The following DCHS2 variants were observed in gnomAD, a reference collection of about 807,000 sequenced individuals.
DCHS2 encodes the protein protocadherin-23.
A neutral mutation model predicts 182.4 loss-of-function variants in DCHS2; 142 were observed. The ratio of observed to expected loss-of-function variants is 0.78; its 90% CI spans 0.68 to 0.89. The LOEUF (loss-of-function observed/expected upper bound fraction) is 0.89, where lower values mean the gene tolerates loss of function less well. Among genes scored for constraint, DCHS2 ranks in the 40% least tolerant of loss-of-function variants. The pLI, the probability that DCHS2 is intolerant of heterozygous loss-of-function variation, is 0.00. For missense variants in DCHS2, 4,319 were observed against 4,198.6 expected, an observed-to-expected ratio of 1.03 and a Z score of -0.79; for synonymous variants, 1,740 against 1,663.3, an observed-to-expected ratio of 1.05 and a Z score of -1.12.
At chr4:154,307,812 T>A (rs1735508271) in intron 10 of DCHS2, among the ~76,000 whole-genome samples, 1 of 152,094 alleles carries the variant, frequency 6.6e-6, no homozygotes, top group South Asian at 2.1e-4. Context: ...CATTCAGGTC[T>A]CCTACCCGAC....
At chr4:154,374,048 T>C in intron 2 of DCHS2, 3 of 1,088,868 alleles carry the variant, frequency 2.8e-6, no homozygotes, top group Non-Finnish European at 4.0e-6. Flanking sequence ...ACCACCTCTA[T>C]ATCTACAATA....
In DCHS2 at chr4:154,235,917, T is replaced by C. The variant is rs1172777018; in HGVS notation, c.8735A>G (p.Asp2912Gly). ...TCCAAGGGAGTAAAGAATGACTCCA[T>C]CAATACCAGCATCTGCATCTGAGGC... ...VEASDADAGI[D>G]GVILYSLGTS... Residue 2912 changes from aspartate to glycine, a missense_variant, in exon 20 of 20, where the codon GAT becomes GGT. Physicochemically the swap from Asp to Gly is moderately conservative, Grantham distance 94 (BLOSUM62 -1). Coordinates refer to ENST00000357232, the MANE Select transcript of DCHS2 (RefSeq NM_001358235.2). 6.2e-7 allele frequency: 1 copy of C among 1,614,076 alleles called. No individual in the cohort carries two copies. Among genetic ancestry groups the C allele is most frequent in the Non-Finnish European group, 8.5e-7 (1 of 1,179,964 alleles).
chr4:154,434,375 T>A (rs1733688002), intron 1 of DCHS2, among the ~76,000 whole-genome samples: 1 of 152,192 alleles, frequency 6.6e-6, no homozygotes, highest in Admixed American at 6.5e-5. Context: ...TGAGGTGTGA[T>A]TGTGCCACAG....
At chr4:154,431,186 A>G (rs747908237) in intron 1 of DCHS2, among the ~76,000 whole-genome samples, 6 of 152,190 alleles carry the variant, frequency 3.9e-5, no homozygotes, top group Non-Finnish European at 8.8e-5. Context: ...ATTGAAAACT[A>G]GAGTGAACAG....
At chr4:154,261,199 C>T (rs980235195) in intron 14 of DCHS2, among the ~76,000 whole-genome samples, 2 of 152,108 alleles carry the variant, frequency 1.3e-5, no homozygotes, top group East Asian at 3.9e-4. Flanking sequence ...ACTTTGTGAC[C>T]TGGATAAGTT....
At chr4:154,469,975 C>T (rs1311564129) in intron 1 of DCHS2, among the ~76,000 whole-genome samples, 1 of 152,094 alleles carries the variant, frequency 6.6e-6, no homozygotes, top group Non-Finnish European at 1.5e-5. Flanking sequence ...CTGTCTTCTC[C>T]CACAAGAAAA....
intron 10 of DCHS2, among the ~76,000 whole-genome samples, chr4:154,305,617 G>T (rs1284167346): frequency 6.6e-6 from 1 of 152,146 alleles, no homozygotes; most frequent in African/African-American, 2.4e-5. Context: ...AGATTGACCT[G>T]CTGTTTAAAA....
At chr4:154,488,183 A>C (rs78283290) in intron 1 of DCHS2, among the ~76,000 whole-genome samples, 110 of 150,682 alleles carry the variant, frequency 7.3e-4, no homozygotes, top group African/African-American at 2.6e-3. Context: ...GTCTCAAAAA[A>C]ATAAAAAAGA....
At chr4:154,372,505 G>A (rs1053923358) in intron 2 of DCHS2, among the ~76,000 whole-genome samples, 3 of 152,090 alleles carry the variant, frequency 2.0e-5, no homozygotes, top group Non-Finnish European at 4.4e-5. Context: ...TGGTGAGATG[G>A]AGTTGAAATA....
intron 10 of DCHS2, among the ~76,000 whole-genome samples, chr4:154,310,264 T>C (rs185999053): frequency 1.3e-5 from 2 of 152,332 alleles, no homozygotes; most frequent in East Asian, 1.9e-4. Flanking sequence ...TAGGAAGATA[T>C]AACATTGGTT....
intron 14 of DCHS2, chr4:154,269,518 A>G (rs1381175535): frequency 5.9e-6 from 1 of 169,850 alleles, no homozygotes; most frequent in Non-Finnish European, 1.2e-5. Context: ...TCAGTAGCAA[A>G]TTACAAGAAT....
chr4:154,483,743 G>T (rs1230165868), intron 1 of DCHS2, among the ~76,000 whole-genome samples: 3 of 152,124 alleles, frequency 2.0e-5, no homozygotes, highest in Non-Finnish European at 4.4e-5. Context: ...TCTGGGTTGT[G>T]GTCCTTGAGG....
intron 5 of DCHS2, among the ~76,000 whole-genome samples, chr4:154,330,534 T>C (rs1451498912): frequency 1.3e-5 from 2 of 152,172 alleles, no homozygotes; most frequent in African/African-American, 4.8e-5. Flanking sequence ...TCCAATAGCC[T>C]GTCAGAGCTC....
intron 16 of DCHS2, among the ~76,000 whole-genome samples, chr4:154,252,652 ATTC>A (rs1286495362): frequency 2.4e-5 from 2 of 81,970 alleles, no homozygotes; most frequent in South Asian, 9.5e-4. Context: ...ACCGGATCTC[ATTC>A]TTCTTTTTTT....
chr4:154,329,717 A>G lies in DCHS2; in HGVS notation c.3731-7T>C. The G allele has an allele frequency of 1.2e-6, 2 of 1,609,418 alleles. No individual in the cohort carries two copies. Among genetic ancestry groups the G allele is most frequent in the South Asian group, 2.2e-5 (2 of 90,854 alleles). ...ACCCAATTGATTAACTCTCCTGCAG[A>G]GTACAGAGCAGAACAAGACACAGGC... On this transcript the variant is annotated splice_polypyrimidine_tract_variant and splice_region_variant and intron_variant, in intron 5 of 19. Coordinates refer to ENST00000357232, the MANE Select transcript of DCHS2 (RefSeq NM_001358235.2).
chr4:154,247,628 T>C, intron 16 of DCHS2, among the ~76,000 whole-genome samples: 1 of 117,882 alleles, frequency 8.5e-6, no homozygotes. Flanking sequence ...AGAGCAAGAC[T>C]CCGTCTCAAA....
chr4:154,458,218 C>T (rs1356112200), intron 1 of DCHS2, among the ~76,000 whole-genome samples: 1 of 151,990 alleles, frequency 6.6e-6, no homozygotes, highest in Non-Finnish European at 1.5e-5. Flanking sequence ...TTCTATCACC[C>T]AAAGAGAAAC....
chr4:154,417,032 T>C (rs890347216), intron 1 of DCHS2, among the ~76,000 whole-genome samples: 5 of 152,086 alleles, frequency 3.3e-5, no homozygotes, highest in African/African-American at 9.7e-5. Context: ...GGCACTATTT[T>C]ACTAGGAGCT....
Position 154,491,256 on chromosome 4 carries a change from C to T in DCHS2, c.100G>A (p.Gly34Arg), listed in dbSNP as rs1224909285. 4 of 1,551,244 alleles carry T rather than the reference C, an allele frequency of 2.6e-6. No individual in the cohort carries two copies. In the South Asian group the frequency reaches 3.6e-5, roughly 14 times the overall value. Residue 34 changes from glycine to arginine, a missense_variant, in exon 1 of 20, where the codon GGG becomes AGG. Transcript: ENST00000357232. ...LLPGRRDTPH[G>R]RSGSSGARTQ... is the part of the protein sequence containing the mutation. The stretch of plus-strand genomic sequence containing the variant: ...CTGGCGCCGCTGCTGCCTGACCGCC[C>T]ATGGGGTGTATCTCTCCTCCCGGGG...
Sources: allele counts gnomAD v4.1 joint callset (sites outside exome capture counted in the v4.1 genomes callset), GRCh38; gene constraint gnomAD v4.1.1; transcripts MANE v1.5; gene names NCBI Gene and HGNC (gene_info 2026-07-23, HGNC 2026-07-21).